Variants in FREM1 observed in about 807,000 individuals in gnomAD.
FREM1 encodes FRAS1-related extracellular matrix protein 1.
In FREM1, 220 loss-of-function variants were observed where a neutral mutation model predicts 210.1. That is an observed-to-expected ratio of 1.05 (90% CI 0.94 to 1.17). The LOEUF (loss-of-function observed/expected upper bound fraction) is 1.17, where lower values mean the gene tolerates loss of function less well. FREM1 is among the 50% of genes most tolerant of loss of function. The probability of loss-of-function intolerance (pLI) is 0.00; values close to 1 mark genes in which losing one functional copy is unlikely to be tolerated. For missense variants in FREM1, 3,454 were observed against 2,675.5 expected, an observed-to-expected ratio of 1.29 and a Z score of -6.42; for synonymous variants, 1,189 against 980.2, an observed-to-expected ratio of 1.21 and a Z score of -3.98.
In FREM1 at chr9:14,792,790, A is replaced by G; in HGVS notation, c.3934T>C (p.Tyr1312His). The change falls in exon 22 of 37, where the codon TAC becomes CAC. Residue 1312 changes from tyrosine (Y) to histidine (H), a missense_variant. Physicochemically the swap from Tyr to His is moderately conservative, Grantham distance 83 (BLOSUM62 2). Coordinates refer to ENST00000380880, the MANE Select transcript of FREM1 (RefSeq NM_001379081.2). ...IDEDSPREKIYYVFERLPQNG... is the reference protein window; with the variant it reads ...IDEDSPREKIHYVFERLPQNG... The stretch of plus-strand genomic sequence containing the variant: ...TGGGGAAGCCTTTCAAATACATAGT[A>G]AATCTTCTCCCTGGGTGAGTCTTCA... The G allele has an allele frequency of 1.9e-6, 3 of 1,608,480 alleles. No homozygotes were observed. The highest frequency in any genetic ancestry group is 2.5e-6 in the Non-Finnish European group (3 of 1,177,404).
At chr9:14,769,893 C>G in intron 26 of FREM1, 25 bp from the exon 27 acceptor site, 1 of 1,161,936 alleles carries the variant, frequency 8.6e-7, no homozygotes, top group Non-Finnish European at 1.2e-6. Flanking sequence ...AAATGAATAT[C>G]ATGGGTAATC....
chr9:14,832,336 T>C (rs1489528187), intron 10 of FREM1, among the ~76,000 whole-genome samples: 1 of 152,168 alleles, frequency 6.6e-6, no homozygotes, highest in Non-Finnish European at 1.5e-5. Flanking sequence ...AAAATGTAAC[T>C]TAGGTATTTG....
chr9:14,893,360 C>CG (rs1318480922), intron 1 of FREM1, among the ~76,000 whole-genome samples: 3 of 152,162 alleles, frequency 2.0e-5, no homozygotes, highest in Non-Finnish European at 4.4e-5. Flanking sequence ...GGATAGAATG[C>CG]GGGCCTAGGA....
At chr9:14,875,247 A>G (rs1036242114) in intron 1 of FREM1, among the ~76,000 whole-genome samples, 8 of 152,266 alleles carry the variant, frequency 5.3e-5, no homozygotes, top group African/African-American at 1.9e-4. Flanking sequence ...TTCCTGGATA[A>G]TATCTTGCAG....
intron 10 of FREM1, among the ~76,000 whole-genome samples, chr9:14,839,592 AC>A (rs1825269886): frequency 2.0e-5 from 3 of 152,202 alleles, no homozygotes; most frequent in Admixed American, 1.3e-4. Context: ...TAAACTTATA[AC>A]TAGATCTACA....
At chr9:14,787,224 C>A (rs1486215108) in intron 23 of FREM1, among the ~76,000 whole-genome samples, 2 of 151,938 alleles carry the variant, frequency 1.3e-5, no homozygotes, top group East Asian at 3.9e-4. Flanking sequence ...ATTATGGCTA[C>A]AAAGTTATGC....
At chr9:14,745,555 C>G (rs1324864999) in intron 35 of FREM1, among the ~76,000 whole-genome samples, 4 of 152,096 alleles carry the variant, frequency 2.6e-5, no homozygotes, top group African/African-American at 9.7e-5. Context: ...ACAGCTTTTT[C>G]TGAATATGGT....
intron 10 of FREM1, among the ~76,000 whole-genome samples, chr9:14,838,543 A>G (rs1244846172): frequency 1.3e-5 from 2 of 151,996 alleles, no homozygotes; most frequent in African/African-American, 4.8e-5. Flanking sequence ...GCATGCACAC[A>G]CTTATTTCTA....
At chr9:14,787,261 TAAAAC>T (rs145291967) in intron 23 of FREM1, among the ~76,000 whole-genome samples, 24,796 of 151,588 alleles carry the variant, frequency 0.16, 2,325 homozygotes, top group East Asian at 0.29. Context: ...TCATGTTAAG[TAAAAC>T]AAAACAAAAC....
At chr9:14,841,704 A>T in intron 9 of FREM1, 115 bp from the exon 10 acceptor site, 10 of 638,754 alleles carry the variant, frequency 1.6e-5, no homozygotes, top group Admixed American at 3.0e-5. Flanking sequence ...CTATGTACCC[A>T]AGGAATCTGC....
At chr9:14,844,609 C>T (rs1452545688) in intron 8 of FREM1, among the ~76,000 whole-genome samples, 2 of 152,166 alleles carry the variant, frequency 1.3e-5, no homozygotes, top group Admixed American at 6.5e-5. Flanking sequence ...GAGGAATAAA[C>T]GATTTAACAC....
Position 14,770,772 on chromosome 9 carries a change from G to A in FREM1, c.4892C>T (p.Thr1631Ile). ...DQLDKTAPRI[T>I]LLHSPSQVGL... ...CACTTGAGAAGGGGAATGCAAGAGT[G>A]TGATACGAGGAGCTGTTTTGTCCAA... The change falls in exon 26 of 37, where the codon ACA becomes ATA. Residue 1631 changes from threonine to isoleucine, a missense_variant. Thr to Ile is a moderately conservative substitution (Grantham distance 89). Coordinates refer to ENST00000380880, the MANE Select transcript of FREM1 (RefSeq NM_001379081.2). The A allele has an allele frequency of 6.2e-7, 1 of 1,613,156 alleles. No individual in the cohort carries two copies. The highest frequency in any genetic ancestry group is 8.5e-7 in the Non-Finnish European group (1 of 1,179,486).
intron 35 of FREM1, among the ~76,000 whole-genome samples, chr9:14,743,009 G>A (rs78761087): frequency 0.1 from 15,924 of 152,034 alleles, 1,064 homozygotes; most frequent in Non-Finnish European, 0.15. Flanking sequence ...TCCATAAACT[G>A]TAGATAAGAG....
intron 27 of FREM1, among the ~76,000 whole-genome samples, chr9:14,764,734 T>A (rs1159313144): frequency 6.6e-6 from 1 of 152,162 alleles, no homozygotes; most frequent in Non-Finnish European, 1.5e-5. Flanking sequence ...ATGCCTATAG[T>A]GCCAATGTTG....
intron 2 of FREM1, among the ~76,000 whole-genome samples, chr9:14,864,675 G>A (rs564097921): frequency 1.3e-5 from 2 of 152,268 alleles, no homozygotes; most frequent in South Asian, 4.1e-4. Context: ...CCCATATCAT[G>A]CCCTTCATTC....
intron 28 of FREM1, among the ~76,000 whole-genome samples, chr9:14,757,174 C>T (rs1844548609): frequency 6.6e-6 from 1 of 152,228 alleles, no homozygotes; most frequent in Non-Finnish European, 1.5e-5. Flanking sequence ...TCAGCTCCAG[C>T]CCCAAGACTA....
chr9:14,833,848 A>T (rs1231329527), intron 10 of FREM1, among the ~76,000 whole-genome samples: 1 of 152,146 alleles, frequency 6.6e-6, no homozygotes, highest in Non-Finnish European at 1.5e-5. Context: ...TACCACTCTT[A>T]ATGCATGCCT....
At chr9:14,827,571 A>C (rs1394895442) in intron 10 of FREM1, among the ~76,000 whole-genome samples, 2 of 152,236 alleles carry the variant, frequency 1.3e-5, no homozygotes, top group Non-Finnish European at 2.9e-5. Flanking sequence ...GACCATATAA[A>C]GAATAAAAAA....
chr9:14,895,087 G>A (rs928913928), intron 1 of FREM1, among the ~76,000 whole-genome samples: 3 of 152,206 alleles, frequency 2.0e-5, no homozygotes, highest in Non-Finnish European at 4.4e-5. Flanking sequence ...CTCAGGAGGA[G>A]AGGAATTTAC....
Sources: gnomAD v4.1 joint callset for allele counts (sites outside exome capture counted in the v4.1 genomes callset) on GRCh38, gnomAD v4.1.1 for gene constraint, MANE v1.5 for transcripts, NCBI Gene and HGNC (gene_info 2026-07-23, HGNC 2026-07-21) for gene names.